Variants in MUC17 observed in about 807,000 individuals in gnomAD.
MUC17 encodes mucin-17.
MUC17 carries 190 observed loss-of-function variants against 170.3 expected under a neutral mutation model. The ratio of observed to expected loss-of-function variants is 1.12; its 90% confidence interval spans 0.99 to 1.26. MUC17 has a LOEUF of 1.26. Among genes scored for constraint, MUC17 ranks in the 50% most tolerant of loss-of-function variants. The pLI, the probability that MUC17 is intolerant of heterozygous loss-of-function variation, is 0.00. For synonymous variants in MUC17, 2,325 were observed against 2,002.5 expected (o/e 1.16, Z -4.30); for missense variants, 6,415 against 5,530.0 (o/e 1.16, Z -5.08).
In MUC17 at chr7:101,039,749, C is replaced by T. The variant is rs1039675040; in HGVS notation, c.8333C>T (p.Thr2778Ile). ...ASTVSTTAVD[T>I]SIPVTTSTEA... ...ACCGTTTCAACAACTGCTGTTGACA[C>T]CAGCATACCTGTCACCACTTCTACT... The change falls in exon 3 of 13, where the codon ACC (threonine) becomes ATC (isoleucine). Residue 2778 changes from threonine (T) to isoleucine (I), a missense_variant. Coordinates refer to ENST00000306151, the MANE Select transcript of MUC17 (RefSeq NM_001040105.2). The T allele has an allele frequency of 1.9e-6, 3 of 1,610,256 alleles. No individual in the cohort carries two copies. The highest frequency in any genetic ancestry group is 1.7e-5 in the Admixed American group (1 of 59,678).
intron 3 of MUC17, among the ~76,000 whole-genome samples, chr7:101,045,177 T>C (rs1488067658): frequency 6.6e-6 from 1 of 152,220 alleles, no homozygotes; most frequent in Non-Finnish European, 1.5e-5. Flanking sequence ...TTTAAAAGTA[T>C]GCTAATTAAA....
chr7:101,021,838 G>A (rs1160757401), intron 1 of MUC17, among the ~76,000 whole-genome samples: 1 of 152,148 alleles, frequency 6.6e-6, no homozygotes, highest in African/African-American at 2.4e-5. Flanking sequence ...ATGGGGCTGG[G>A]GATACCAGGG....
At position 101,033,177 on chromosome 7, in the gene MUC17, T is replaced by A; in HGVS notation, c.1761T>A (p.Ala587=). Residue 587 remains alanine, a synonymous_variant, in exon 3 of 13, where the codon GCT becomes GCA. Transcript: ENST00000306151. Reference sequence around the variant, plus strand: ...CCAGGCTGGTGGTCAGTTCTGAGGCTAGCACCACTTCAACAACTCCTGCTG... The same window carrying A: ...CCAGGCTGGTGGTCAGTTCTGAGGCAAGCACCACTTCAACAACTCCTGCTG... ...VSTRLVVSSE[A]STTSTTPADS... is the part of the protein sequence containing the mutation. 6.2e-7 allele frequency: 1 copy of A among 1,613,976 alleles called. No individual in the cohort carries two copies. Among genetic ancestry groups the A allele is most frequent in the Non-Finnish European group, 8.5e-7 (1 of 1,179,916 alleles).
At position 101,033,901 on chromosome 7, in the gene MUC17, A is replaced by G; in HGVS notation, c.2485A>G (p.Thr829Ala). The G allele has an allele frequency of 6.2e-7, 1 of 1,612,958 alleles. No homozygotes were observed. Among genetic ancestry groups the G allele is most frequent in the Non-Finnish European group, 8.5e-7 (1 of 1,179,548 alleles). Reference sequence around the variant, plus strand: ...TCCTGAGGCTAGCACCCTTTCAACAACTCCTGTTGACTCCAACAGTCCTGT... The same window carrying G: ...TCCTGAGGCTAGCACCCTTTCAACAGCTCCTGTTGACTCCAACAGTCCTGT... ...TSPEASTLST[T>A]PVDSNSPVTT... Residue 829 changes from threonine (T) to alanine (A), a missense_variant, in exon 3 of 13, where the codon ACT becomes GCT. Physicochemically the swap from Thr to Ala is moderately conservative, Grantham distance 58. Coordinates refer to ENST00000306151, the MANE Select transcript of MUC17 (RefSeq NM_001040105.2).
Position 101,037,123 on chromosome 7 carries a change from C to T in MUC17, c.5707C>T (p.Gln1903Ter). 1 of 1,552,730 alleles carries T rather than the reference C, an allele frequency of 6.4e-7. No individual in the cohort carries two copies. The highest frequency in any genetic ancestry group is 8.5e-7 in the Non-Finnish European group (1 of 1,177,578). The change falls in exon 3 of 13, where the codon CAA becomes TAA. Residue 1903 changes from glutamine (Q) to a stop codon, truncating the protein, a stop_gained. Transcript: ENST00000306151. LOFTEE classifies it high-confidence loss of function. ...VTSTPVTTYA[Q>*]VSSSPTTADG... is the part of the protein sequence containing the mutation. ...CAGCACACCTGTGACCACTTATGCT[C>T]AAGTCAGTTCATCTCCTACAACTGC...
rs769619923 is a variant in MUC17 at position 101,036,623 on chromosome 7, G to A, written c.5207G>A (p.Gly1736Asp). ...EARSSPTTSE[G>D]TSMPNSTPSE... ...CGTTCATCTCCTACAACTTCTGAAG[G>A]TACCAGCATGCCAAACTCAACTCCT... The change falls in exon 3 of 13, where the codon GGT becomes GAT. Residue 1736 changes from glycine (G) to aspartate (D), a missense_variant. Transcript: ENST00000306151. 3 of 1,612,400 alleles carry A rather than the reference G, an allele frequency of 1.9e-6. No individual in the cohort carries two copies. Among genetic ancestry groups the A allele is most frequent in the Admixed American group, 3.3e-5 (2 of 59,822 alleles).
rs1275104340 is a variant in MUC17, at chr7:101,039,820, A to G, written c.8404A>G (p.Thr2802Ala). Residue 2802 changes from threonine to alanine, a missense_variant, in exon 3 of 13, where the codon ACC becomes GCC. Transcript: ENST00000306151. ...AACTGCTGAAGTTACCAGCATGCCAACCTCAACTCCTAGTGAAACAAGTAC... is the reference window on the plus strand; with the variant it reads ...AACTGCTGAAGTTACCAGCATGCCAGCCTCAACTCCTAGTGAAACAAGTAC... ...PTTAEVTSMP[T>A]STPSETSTPL... 1.2e-6 allele frequency: 2 copies of G among 1,609,086 alleles called. No homozygotes were observed. The highest frequency in any genetic ancestry group is 1.1e-5 in the South Asian group (1 of 90,940).
Position 101,041,388 on chromosome 7 carries a change from T to C in MUC17, c.9972T>C (p.Ile3324=). ...TYSQASSSPP[I]ADGTSMPTST... ...CTCAAGCCAGTTCATCTCCTCCAAT[T>C]GCTGACGGTACTAGCATGCCAACCT... The change falls in exon 3 of 13, where the codon ATT becomes ATC. Residue 3324 remains isoleucine (I), a synonymous_variant. Coordinates refer to ENST00000306151, the MANE Select transcript of MUC17 (RefSeq NM_001040105.2). 1 of 1,613,214 alleles carries C rather than the reference T, an allele frequency of 6.2e-7. No individual in the cohort carries two copies. Among genetic ancestry groups the C allele is most frequent in the East Asian group, 2.2e-5 (1 of 44,812 alleles).
Position 101,048,955 on chromosome 7 carries a change from C to A in MUC17, c.12646C>A (p.Gln4216Lys), listed in dbSNP as rs1794888891. Residue 4216 changes from glutamine (Q) to lysine (K), a missense_variant, in exon 5 of 13, where the codon CAG becomes AAG. Physicochemically the swap from Gln to Lys is moderately conservative, Grantham distance 53. Coordinates refer to ENST00000306151, the MANE Select transcript of MUC17 (RefSeq NM_001040105.2). ...TTCCCAGGAATTCCAGGAGTTCAAACAGACATTCACGGAACAGGTAAGTCT... is the reference window on the plus strand; with the variant it reads ...TTCCCAGGAATTCCAGGAGTTCAAAAAGACATTCACGGAACAGGTAAGTCT... ...HSSQEFQEFK[Q>K]TFTEQMNIVY... The A allele has an allele frequency of 3.1e-6, 5 of 1,614,058 alleles. No homozygotes were observed. The African/African-American group carries it at 5.3e-5, about 17-fold the overall frequency.
At chr7:101,048,216 G>A in intron 4 of MUC17, 101 bp downstream of exon 4, 1 of 1,201,850 alleles carries the variant, frequency 8.3e-7, no homozygotes, top group Non-Finnish European at 1.1e-6. Context: ...CAGGAATAGG[G>A]CCTCTTCTGG....
Position 101,034,155 on chromosome 7 carries a change from C to T in MUC17, c.2739C>T (p.Ser913=). ...RSSPTTSEGT[S]MPTSTPGEGS... is the part of the protein sequence containing the mutation. ...CTCCTACAACTTCTGAAGGTACCAGCATGCCAACCTCAACTCCTGGGGAAG... is the reference window on the plus strand; with the variant it reads ...CTCCTACAACTTCTGAAGGTACCAGTATGCCAACCTCAACTCCTGGGGAAG... Residue 913 remains serine (S), a synonymous_variant, in exon 3 of 13, where the codon AGC becomes AGT. Transcript: ENST00000306151. 1 of 1,584,544 alleles carries T rather than the reference C, an allele frequency of 6.3e-7. No individual in the cohort carries two copies. The highest frequency in any genetic ancestry group is 8.6e-7 in the Non-Finnish European group (1 of 1,164,092).
rs2116438271 is a variant in MUC17, at chr7:101,038,288, T to C, written c.6872T>C (p.Val2291Ala). 1 of 1,613,794 alleles carries C rather than the reference T, an allele frequency of 6.2e-7. No individual in the cohort carries two copies. The highest frequency in any genetic ancestry group is 2.2e-5 in the East Asian group (1 of 44,858). ...AGTATACCTGTCAGCCACACGCTGG[T>C]GGCCAATTCTGAGGTTAGCACCCTT... ...LTSIPVSHTL[V>A]ANSEVSTLST... The change falls in exon 3 of 13, where the codon GTG becomes GCG. Residue 2291 changes from valine (V) to alanine (A), a missense_variant. Val to Ala is a moderately conservative substitution (Grantham distance 64). Coordinates refer to ENST00000306151, the MANE Select transcript of MUC17 (RefSeq NM_001040105.2).
Position 101,033,818 on chromosome 7 carries a change from C to G in MUC17, c.2402C>G (p.Pro801Arg). The G allele has an allele frequency of 6.2e-7, 1 of 1,613,576 alleles. No individual in the cohort carries two copies. The stretch of plus-strand genomic sequence containing the variant: ...GGTACCAGCATGCCAATCTCAACTC[C>G]TAGTGAAGGAAGTCCTTTATTAACA... ...TEGTSMPISTPSEGSPLLTSI... is the reference protein window; with the variant it reads ...TEGTSMPISTRSEGSPLLTSI... The change falls in exon 3 of 13, where the codon CCT becomes CGT. Residue 801 changes from proline (P) to arginine (R), a missense_variant. Transcript: ENST00000306151.
In MUC17 at chr7:101,039,294, A is replaced by G; in HGVS notation, c.7878A>G (p.Ser2626=). 1 of 1,613,002 alleles carries G rather than the reference A, an allele frequency of 6.2e-7. No homozygotes were observed. The highest frequency in any genetic ancestry group is 8.5e-7 in the Non-Finnish European group (1 of 1,179,618). The stretch of plus-strand genomic sequence containing the variant: ...CAAAAGATACCAGCATGCCAATCTC[A>G]ACTCCTAGTGAAGTAAGTACTTCAT... ...TTAKDTSMPI[S]TPSEVSTSLT... The change falls in exon 3 of 13, where the codon TCA becomes TCG. Residue 2626 remains serine, a synonymous_variant. Coordinates refer to ENST00000306151, the MANE Select transcript of MUC17 (RefSeq NM_001040105.2).
At position 101,050,503 on chromosome 7, in the gene MUC17, G is replaced by C. The variant is rs992215298; in HGVS notation, c.12742G>C (p.Glu4248Gln). Residue 4248 changes from glutamate to glutamine, a missense_variant, in exon 7 of 13, where the codon GAG becomes CAG. Coordinates refer to ENST00000306151, the MANE Select transcript of MUC17 (RefSeq NM_001040105.2). ...TKLRLGSVVV[E>Q]HDVLLRTKYT... ...CTTCAGTCTTGGCAGTGTGGTGGTG[G>C]AGCATGACGTCCTCCTAAGAACCAA... The C allele has an allele frequency of 6.2e-6, 10 of 1,613,890 alleles. No individual in the cohort carries two copies. The highest frequency in any genetic ancestry group is 8.5e-6 in the Non-Finnish European group (10 of 1,179,852).
Position 101,036,708 on chromosome 7 carries a change from T to C in MUC17, c.5292T>C (p.Ser1764=). 6.2e-7 allele frequency: 1 copy of C among 1,613,166 alleles called. No homozygotes were observed. Among genetic ancestry groups the C allele is most frequent in the South Asian group, 1.1e-5 (1 of 90,956 alleles). ...TCAGCACCACGCCGGTACTCAGTTCTGAGGCTAGCACCCTTTCAGCAACTC... is the reference window on the plus strand; with the variant it reads ...TCAGCACCACGCCGGTACTCAGTTCCGAGGCTAGCACCCTTTCAGCAACTC... ...IPVSTTPVLS[S]EASTLSATPI... is the part of the protein sequence containing the mutation. The change falls in exon 3 of 13, where the codon TCT becomes TCC. Residue 1764 remains serine, a synonymous_variant. Coordinates refer to ENST00000306151, the MANE Select transcript of MUC17 (RefSeq NM_001040105.2).
At chr7:101,021,362 A>AT (rs1794078255) in intron 1 of MUC17, among the ~76,000 whole-genome samples, 1 of 151,478 alleles carries the variant, frequency 6.6e-6, no homozygotes, top group African/African-American at 2.4e-5. Flanking sequence ...GATTTTGTAT[A>AT]TTTTTAGTAA....
At position 101,032,428 on chromosome 7, in the gene MUC17, A is replaced by T. The variant is rs1794312838; in HGVS notation, c.1012A>T (p.Ser338Cys). 1.2e-6 allele frequency: 2 copies of T among 1,613,688 alleles called. No homozygotes were observed. Among genetic ancestry groups the T allele is most frequent in the African/African-American group, 2.7e-5 (2 of 74,916 alleles). The change falls in exon 3 of 13, where the codon AGT becomes TGT. Residue 338 changes from serine (S) to cysteine (C), a missense_variant. By Grantham distance (112) the Ser-to-Cys change is moderately radical. Coordinates refer to ENST00000306151, the MANE Select transcript of MUC17 (RefSeq NM_001040105.2). ...TACTGAAGGAAGCACTCCATTAACA[A>T]GTACGCCTGCCAGCACCATGCCGGT... is the stretch of plus-strand genomic sequence containing the variant. ...TYTEGSTPLT[S>C]TPASTMPVAT...
chr7:101,052,212 C>A (rs1311106821), intron 9 of MUC17, among the ~76,000 whole-genome samples: 1 of 152,272 alleles, frequency 6.6e-6, no homozygotes, highest in African/African-American at 2.4e-5. Context: ...AGGAAGGTGA[C>A]AACCTCCTGG....
Sources: allele counts gnomAD v4.1 joint callset (sites outside exome capture counted in the v4.1 genomes callset), GRCh38; gene constraint gnomAD v4.1.1; transcripts MANE v1.5; gene names NCBI Gene and HGNC (gene_info 2026-07-23, HGNC 2026-07-21).